Variants in FRYL observed in about 807,000 individuals in gnomAD.
FRYL encodes the protein FRY like transcription coactivator, also known as protein furry homolog-like.
Under a neutral mutation model 351.2 loss-of-function variants are expected in FRYL, and 150 were observed. The observed-to-expected ratio is 0.43, with a 90% CI of 0.37 to 0.49. FRYL has a LOEUF of 0.49. FRYL is among the 20% of genes least tolerant of loss of function. The pLI is 0.00. For missense variants in FRYL, 3,036 were observed against 3,619.3 expected (o/e 0.84, Z 4.13); for synonymous variants, 1,153 against 1,257.1 (o/e 0.92, Z 1.75).
At chr4:48,743,913 A>C (rs1184530608) in intron 1 of FRYL, among the ~76,000 whole-genome samples, 4 of 141,804 alleles carry the variant, frequency 2.8e-5, no homozygotes, top group Non-Finnish European at 6.1e-5. Flanking sequence ...AATTTTTAAA[A>C]ATTTAACAAT....
At chr4:48,715,426 C>T (rs555794684) in intron 1 of FRYL, among the ~76,000 whole-genome samples, 1 of 152,124 alleles carries the variant, frequency 6.6e-6, no homozygotes, top group Non-Finnish European at 1.5e-5. Flanking sequence ...TCAGCAAAGT[C>T]TCAGGATACA....
intron 46 of FRYL, 115 bp downstream of exon 46, chr4:48,540,238 T>C: frequency 5.5e-6 from 7 of 1,270,764 alleles, no homozygotes; most frequent in Middle Eastern, 2.6e-4. Context: ...CTACCTAGCG[T>C]ATAAAAACTA....
chr4:48,655,478 TAACA>T (rs148944641), intron 3 of FRYL, among the ~76,000 whole-genome samples: 2 of 151,820 alleles, frequency 1.3e-5, no homozygotes, highest in African/African-American at 4.8e-5. Flanking sequence ...TCTTATACAT[TAACA>T]ATATATGTCA....
At chr4:48,680,877 AC>A in intron 3 of FRYL, 1 of 666,544 alleles carries the variant, frequency 1.5e-6, no homozygotes. Context: ...AAATAGTTTT[AC>A]TTTCCTAAAA....
chr4:48,689,743 T>C (rs914386817), intron 2 of FRYL, among the ~76,000 whole-genome samples: 1 of 152,200 alleles, frequency 6.6e-6, no homozygotes, highest in Non-Finnish European at 1.5e-5. Context: ...GGTGGAGATG[T>C]CATCTTCCAA....
chr4:48,748,171 G>A (rs1298033641), intron 1 of FRYL, among the ~76,000 whole-genome samples: 1 of 152,000 alleles, frequency 6.6e-6, no homozygotes, highest in Non-Finnish European at 1.5e-5. Flanking sequence ...ATTTGAACCT[G>A]GGAGGCAGAG....
At chr4:48,557,220 C>T (rs572216480) in intron 34 of FRYL, 102 bp from the exon 35 acceptor site, 2 of 1,385,630 alleles carry the variant, frequency 1.4e-6, no homozygotes, top group African/African-American at 1.5e-5. Context: ...GTACAGATAG[C>T]TTTAATCGTT....
chr4:48,590,357 G>T (rs1742986244), intron 17 of FRYL, among the ~76,000 whole-genome samples: 1 of 152,026 alleles, frequency 6.6e-6, no homozygotes, highest in Non-Finnish European at 1.5e-5. Context: ...GGTGATGCAC[G>T]CCTGTGGTCC....
intron 59 of FRYL, among the ~76,000 whole-genome samples, chr4:48,508,958 C>T (rs1721892310): frequency 6.6e-6 from 1 of 152,134 alleles, no homozygotes. Flanking sequence ...TCTGTCTCTT[C>T]ATGGGAAGAA....
rs199759106 is a variant in FRYL at position 48,547,685 on chromosome 4, T to C, written c.4973A>G (p.Asn1658Ser). Reference protein sequence around the residue: ...HLLIVMGPNSNIRTVASVLLR... With the variant: ...HLLIVMGPNSSIRTVASVLLR... Reference sequence around the variant, plus strand: ...AAGGACAGAAGCAACAGTTCGGATGTTACTATTGGGTCCCATTACTATTAA... The same window carrying C: ...AAGGACAGAAGCAACAGTTCGGATGCTACTATTGGGTCCCATTACTATTAA... The change falls in exon 41 of 64, where the codon AAC (asparagine) becomes AGC (serine). Residue 1658 changes from asparagine (N) to serine (S), a missense_variant. Transcript: ENST00000358350. 19 of 1,606,528 alleles carry C rather than the reference T, an allele frequency of 1.2e-5. No homozygotes were observed. The Admixed American group carries it at 2.3e-4, about 20-fold the overall frequency.
intron 18 of FRYL, among the ~76,000 whole-genome samples, chr4:48,588,586 A>C (rs1021095908): frequency 5.3e-5 from 8 of 152,170 alleles, no homozygotes; most frequent in African/African-American, 1.7e-4. Context: ...TCCTGAACTC[A>C]TGCGTGCTTG....
chr4:48,606,447 T>C lies in FRYL; in HGVS notation c.732A>G (p.Gln244=), dbSNP rs752009330. The change falls in exon 10 of 64, where the codon CAA becomes CAG. Residue 244 remains glutamine (Q), a synonymous_variant. Coordinates refer to ENST00000358350, the MANE Select transcript of FRYL (RefSeq NM_015030.2). ...TTAGAAGGTATATCACCTGCATAAA[T>C]TGAAATGATGCTTCAAAATCTTCTA... ...YPVEDFEASF[Q]FMQECAQYFL... The C allele has an allele frequency of 8.1e-6, 13 of 1,607,838 alleles. No individual in the cohort carries two copies. The highest frequency in any genetic ancestry group is 4.5e-5 in the East Asian group (2 of 44,766).
chr4:48,778,645 C>T (rs942738714), intron 1 of FRYL, among the ~76,000 whole-genome samples: 2 of 152,200 alleles, frequency 1.3e-5, no homozygotes, highest in African/African-American at 2.4e-5. Context: ...CAAGTATTGA[C>T]AGATTAAGCA....
At chr4:48,539,014 C>T (rs535869004) in intron 47 of FRYL, among the ~76,000 whole-genome samples, 2 of 152,164 alleles carry the variant, frequency 1.3e-5, no homozygotes, top group East Asian at 3.9e-4. Flanking sequence ...ATTCTTTTAA[C>T]ATGAAGGTTA....
chr4:48,506,035 G>A (rs1326327785), intron 59 of FRYL: 3 of 155,772 alleles, frequency 1.9e-5, no homozygotes, highest in Non-Finnish European at 4.2e-5. Flanking sequence ...GTTTGCTTAT[G>A]AGAAGTGTAA....
At chr4:48,508,333 G>T (rs1469367372) in intron 59 of FRYL, among the ~76,000 whole-genome samples, 1 of 152,102 alleles carries the variant, frequency 6.6e-6, no homozygotes, top group Non-Finnish European at 1.5e-5. Flanking sequence ...TAAACCTATA[G>T]ACCATTTTGG....
chr4:48,662,459 T>A (rs1024536270), intron 3 of FRYL, among the ~76,000 whole-genome samples: 2 of 151,958 alleles, frequency 1.3e-5, no homozygotes, highest in African/African-American at 4.8e-5. Flanking sequence ...AAAGTAAATT[T>A]AGAAAATAAA....
At chr4:48,541,001 CT>C (rs778287547) in intron 45 of FRYL, 41 bp from the exon 46 acceptor site, 1 of 1,442,122 alleles carries the variant, frequency 6.9e-7, no homozygotes, top group South Asian at 1.7e-5. Flanking sequence ...TACCCAGTCA[CT>C]TCTTTTGCTA....
chr4:48,610,773 G>T, intron 7 of FRYL, among the ~76,000 whole-genome samples: 1 of 142,300 alleles, frequency 7.0e-6, no homozygotes. Flanking sequence ...TTATATATAT[G>T]TTCAATATAT....
Sources: gnomAD v4.1 joint callset for allele counts (sites outside exome capture counted in the v4.1 genomes callset) on GRCh38, gnomAD v4.1.1 for gene constraint, MANE v1.5 for transcripts, NCBI Gene and HGNC (gene_info 2026-07-23, HGNC 2026-07-21) for gene names.